Variants in COL8A1 observed in about 807,000 individuals in gnomAD.
The protein encoded by COL8A1 is collagen type VIII alpha 1 chain.
A neutral mutation model predicts 42.7 loss-of-function variants in COL8A1; 21 were observed. That is an observed-to-expected ratio of 0.49 (90% CI 0.35 to 0.71). The LOEUF (loss-of-function observed/expected upper bound fraction) is 0.71. Among genes scored for constraint, COL8A1 ranks in the 30% least tolerant of loss-of-function variants. The probability of loss-of-function intolerance (pLI) is 0.01; values close to 1 mark genes in which losing one functional copy is unlikely to be tolerated. For missense variants in COL8A1, 788 were observed against 962.4 expected (o/e 0.82, Z 2.40); for synonymous variants, 367 against 369.1 (o/e 0.99, Z 0.06).
In COL8A1 at chr3:99,794,906, G is replaced by A. The variant is rs1250368866; in HGVS notation, c.1005G>A (p.Glu335=). Residue 335 remains glutamate, a synonymous_variant, in exon 4 of 4, where the codon GAG becomes GAA. Coordinates refer to ENST00000652472, the MANE Select transcript of COL8A1 (RefSeq NM_020351.4). The surrounding 1 kb of genome is among the most constrained non-coding windows in gnomAD (Gnocchi z 4.3). ...CAGGATTTCCAGGTGGCAAAGGGGA[G>A]CAAGGACTGCCAGGGCTACCAGGAC... ...GQPGFPGGKG[E]QGLPGLPGPP... 1.9e-6 allele frequency: 3 copies of A among 1,601,232 alleles called. No homozygotes were observed. In the East Asian group the frequency reaches 6.7e-5, roughly 36 times the overall value.
At chr3:99,697,026 GC>G (rs1432144198) in intron 1 of COL8A1, among the ~76,000 whole-genome samples, 1 of 112,412 alleles carries the variant, frequency 8.9e-6, no homozygotes, top group Non-Finnish European at 1.7e-5. Context: ...TCGCTCTGTC[GC>G]CCAGGCTGGA....
intron 1 of COL8A1, among the ~76,000 whole-genome samples, chr3:99,699,337 C>A (rs559268259): frequency 1.3e-5 from 2 of 152,312 alleles, no homozygotes; most frequent in Non-Finnish European, 2.9e-5. Context: ...GCAAACACTG[C>A]ACTTGTAAAT....
At chr3:99,653,761 T>C (rs1000483921) in intron 1 of COL8A1, among the ~76,000 whole-genome samples, 8 of 151,148 alleles carry the variant, frequency 5.3e-5, no homozygotes, top group South Asian at 2.1e-4. Flanking sequence ...CCCCTGTATT[T>C]TGATGCATCA....
chr3:99,675,895 T>C (rs1486398321), intron 1 of COL8A1, among the ~76,000 whole-genome samples: 1 of 152,002 alleles, frequency 6.6e-6, no homozygotes, highest in Non-Finnish European at 1.5e-5. Flanking sequence ...GTGATTCATG[T>C]CAGCATTATT....
At chr3:99,666,381 C>A (rs1410160982) in intron 1 of COL8A1, among the ~76,000 whole-genome samples, 3 of 152,210 alleles carry the variant, frequency 2.0e-5, no homozygotes, top group Admixed American at 1.3e-4. Flanking sequence ...CGAATGCCAT[C>A]AGAATACTGA....
intron 1 of COL8A1, among the ~76,000 whole-genome samples, chr3:99,673,895 C>T (rs1938616453): frequency 6.6e-6 from 1 of 151,942 alleles, no homozygotes; most frequent in South Asian, 2.1e-4. Flanking sequence ...ATAGTGCCTA[C>T]CACATAAGTT....
intron 2 of COL8A1, among the ~76,000 whole-genome samples, chr3:99,780,190 C>A (rs1403846523): frequency 6.6e-6 from 1 of 152,114 alleles, no homozygotes; most frequent in Non-Finnish European, 1.5e-5. Context: ...TTCCCTTAAT[C>A]TTCTCAACAA....
intron 1 of COL8A1, among the ~76,000 whole-genome samples, chr3:99,736,293 C>T (rs1940711994): frequency 6.6e-6 from 1 of 152,096 alleles, no homozygotes; most frequent in African/African-American, 2.4e-5. Flanking sequence ...ACATTTAGTG[C>T]TATAAATTTC....
chr3:99,717,490 T>C (rs933945462), intron 1 of COL8A1, among the ~76,000 whole-genome samples: 1 of 152,020 alleles, frequency 6.6e-6, no homozygotes, highest in African/African-American at 2.4e-5. Context: ...TCTAGTTACA[T>C]GATAAAAGAT....
chr3:99,780,999 A>T (rs1440431476), intron 2 of COL8A1, among the ~76,000 whole-genome samples: 1 of 152,294 alleles, frequency 6.6e-6, no homozygotes, highest in East Asian at 1.9e-4. Flanking sequence ...GCTGTGGTTG[A>T]AAAGTGGTGG....
At chr3:99,700,891 C>T (rs566699395) in intron 1 of COL8A1, among the ~76,000 whole-genome samples, 4 of 152,130 alleles carry the variant, frequency 2.6e-5, no homozygotes, top group African/African-American at 9.6e-5. Flanking sequence ...CTGGAAGTTC[C>T]GTCTCTACAC....
At position 99,796,347 on chromosome 3, in the gene COL8A1, T is replaced by C. The variant is rs1942108492; in HGVS notation, c.*211T>C. 3 of 444,366 alleles carry C rather than the reference T, an allele frequency of 6.8e-6. No individual in the cohort carries two copies. Among genetic ancestry groups the C allele is most frequent in the Middle Eastern group, 6.0e-4 (1 of 1,672 alleles). The allele number at this position is 444,366 out of a possible 1,614,324, so 27.5% of individuals were successfully genotyped here. On this transcript the variant is annotated 3_prime_UTR_variant, in exon 4 of 4. Transcript: ENST00000652472. ...CAGCCTGTAATTGCGAATGATGGGA[T>C]AGAGTTATGTATCAAGTACTGACAC...
chr3:99,778,869 C>G (rs793491), intron 2 of COL8A1, among the ~76,000 whole-genome samples: 110,891 of 152,056 alleles, frequency 0.73, 40,951 homozygotes, highest in African/African-American at 0.86. Flanking sequence ...ACAAGCATTT[C>G]TCAAGACTAC....
chr3:99,689,246 G>A (rs192095910), intron 1 of COL8A1, among the ~76,000 whole-genome samples: 46 of 152,302 alleles, frequency 3.0e-4, no homozygotes, highest in African/African-American at 1.1e-3. Flanking sequence ...CATCTACATG[G>A]CCTGTTCGAG....
At chr3:99,791,816 T>A (rs763634082) in intron 3 of COL8A1, among the ~76,000 whole-genome samples, 7 of 152,230 alleles carry the variant, frequency 4.6e-5, no homozygotes, top group Non-Finnish European at 5.9e-5. Flanking sequence ...GAGGCCTAGA[T>A]GCCTGGATGC....
chr3:99,691,876 T>C (rs1576432801), intron 1 of COL8A1: 1 of 152,090 alleles, frequency 6.6e-6, no homozygotes, highest in Non-Finnish European at 1.5e-5. Flanking sequence ...TTCAAGAGAA[T>C]GGTACCAAAG....
rs370915031 is a variant in COL8A1 at position 99,768,454 on chromosome 3, T to C, written c.-3-22226T>C. 4.6e-5 allele frequency among the ~76,000 whole-genome samples: 7 copies of C among 152,378 alleles called. No individual in the cohort carries two copies. In the East Asian group the frequency reaches 1.2e-3, roughly 25 times the overall value. On this transcript the variant is annotated intron_variant, in intron 2 of 3. Transcript: ENST00000652472. The stretch of plus-strand genomic sequence containing the variant: ...CTTAACAGCACCCAAATGTAATATG[T>C]ATTTCTAGATATCACCATTTTACAG...
intron 2 of COL8A1, among the ~76,000 whole-genome samples, chr3:99,750,653 G>T (rs1211836333): frequency 6.6e-6 from 1 of 152,156 alleles, no homozygotes; most frequent in African/African-American, 2.4e-5. Context: ...CCTTCCAGGT[G>T]TTATTGCCCT....
At chr3:99,651,237 T>G (rs2107289801) in intron 1 of COL8A1, among the ~76,000 whole-genome samples, 1 of 152,336 alleles carries the variant, frequency 6.6e-6, no homozygotes, top group Non-Finnish European at 1.5e-5. Context: ...AAGCATGGTT[T>G]AAATACCTGC....
Sources: allele counts gnomAD v4.1 joint callset (sites outside exome capture counted in the v4.1 genomes callset), GRCh38; gene constraint gnomAD v4.1.1; non-coding constraint Gnocchi (gnomAD v3.1); transcripts MANE v1.5; gene names NCBI Gene and HGNC (gene_info 2026-07-23, HGNC 2026-07-21).